TTC39B: variants seen among roughly 807,000 people sequenced by gnomAD.
TTC39B encodes the protein tetratricopeptide repeat domain 39B.
In TTC39B, 92 loss-of-function variants were observed where a neutral mutation model predicts 96.6. The observed-to-expected ratio is 0.95, with a 90% CI of 0.80 to 1.13. TTC39B has a LOEUF of 1.13. Among genes scored for constraint, TTC39B ranks in the 50% most tolerant of loss-of-function variants. TTC39B has a pLI of 0.00. For synonymous variants in TTC39B, 367 were observed against 299.4 expected (o/e 1.23, Z -2.33); for missense variants, 955 against 809.3 (o/e 1.18, Z -2.18).
rs1326049040 is a variant in TTC39B, at chr9:15,181,920, A to G, written c.1723+387T>C. Among the ~76,000 whole-genome samples, 5 of 152,284 alleles carry G rather than the reference A, an allele frequency of 3.3e-5. No homozygotes were observed. In the South Asian group the frequency reaches 6.2e-4, roughly 19 times the overall value. On this transcript the variant is annotated intron_variant, in intron 17 of 19. Coordinates refer to ENST00000512701, the Ensembl canonical transcript of TTC39B. ...AGTTGTACAGCCATCACCACAGTCA[A>G]CTGTAGAACACTGTCATCACCTCCC...
chr9:15,220,736 T>A (rs547801837), intron 3 of TTC39B, among the ~76,000 whole-genome samples: 1 of 152,142 alleles, frequency 6.6e-6, no homozygotes, highest in Non-Finnish European at 1.5e-5. Context: ...AGAGTTTGTA[T>A]AACCAGTTCC....
chr9:15,296,613 G>C (rs1315957543), intron 1 of TTC39B, among the ~76,000 whole-genome samples: 1 of 152,112 alleles, frequency 6.6e-6, no homozygotes, highest in Non-Finnish European at 1.5e-5. Context: ...TCCTGCCTCA[G>C]CCTCCCGAGT....
At chr9:15,253,406 G>C (rs530582407) in intron 2 of TTC39B, among the ~76,000 whole-genome samples, 13 of 152,332 alleles carry the variant, frequency 8.5e-5, no homozygotes, top group African/African-American at 3.1e-4. Context: ...AAGGAATGTA[G>C]CTCTAGATAC....
intron 15 of TTC39B, 182 bp from the exon 16 acceptor site, chr9:15,185,588 G>C: frequency 1.2e-6 from 1 of 828,792 alleles, no homozygotes; most frequent in South Asian, 2.0e-5. Context: ...CAACTCCAGG[G>C]CCGGGGCCGA....
intron 2 of TTC39B, among the ~76,000 whole-genome samples, chr9:15,261,910 C>T (rs1241217700): frequency 6.6e-6 from 1 of 152,132 alleles, no homozygotes; most frequent in African/African-American, 2.4e-5. Context: ...CATCAGAGCA[C>T]TAGAAGTGCA....
At chr9:15,282,758 G>T (rs568882033) in intron 1 of TTC39B, among the ~76,000 whole-genome samples, 1 of 152,236 alleles carries the variant, frequency 6.6e-6, no homozygotes, top group East Asian at 1.9e-4. Context: ...CTGGAGCACA[G>T]AGAGGTTAAG....
At chr9:15,211,237 C>A (rs1168013938) in intron 5 of TTC39B, 29 bp downstream of exon 5, 2 of 1,460,486 alleles carry the variant, frequency 1.4e-6, no homozygotes, top group East Asian at 2.6e-5. Context: ...TTTGCAGTCA[C>A]ATCTTAAGTA....
chr9:15,184,026 A>C (rs1014378991), intron 16 of TTC39B, among the ~76,000 whole-genome samples: 3 of 152,194 alleles, frequency 2.0e-5, no homozygotes, highest in Non-Finnish European at 4.4e-5. Context: ...TAGAATGTAT[A>C]AAAGGCTCCC....
intron 10 of TTC39B, 28 bp downstream of exon 10, chr9:15,191,162 C>CA: frequency 6.6e-7 from 1 of 1,511,114 alleles, no homozygotes; most frequent in Non-Finnish European, 9.2e-7. Flanking sequence ...TCTTCCCTGT[C>CA]AAAATTAACA....
intron 16 of TTC39B, chr9:15,183,401 G>T (rs1818347484): frequency 2.5e-6 from 1 of 405,064 alleles, no homozygotes; most frequent in South Asian, 1.8e-5. Context: ...CTTTTTATCA[G>T]AAGAGGGCAA....
At chr9:15,286,419 G>C (rs570493872) in intron 1 of TTC39B, among the ~76,000 whole-genome samples, 29 of 152,298 alleles carry the variant, frequency 1.9e-4, no homozygotes, top group African/African-American at 7.0e-4. Context: ...ATTCGAGTCA[G>C]GTTAGACGAC....
chr9:15,190,493 AAC>A, intron 11 of TTC39B, 59 bp downstream of exon 11: 1 of 1,482,784 alleles, frequency 6.7e-7, no homozygotes, highest in Non-Finnish European at 9.4e-7. Context: ...TTACAGGTGT[AAC>A]ACACCATGTC....
chr9:15,209,416 T>C (rs960425666), intron 6 of TTC39B, among the ~76,000 whole-genome samples: 17 of 152,192 alleles, frequency 1.1e-4, no homozygotes, highest in African/African-American at 4.1e-4. Flanking sequence ...TGTGAAACAT[T>C]ATCATTTTTA....
chr9:15,231,727 G>A (rs1324595976), intron 2 of TTC39B, among the ~76,000 whole-genome samples: 3 of 152,090 alleles, frequency 2.0e-5, no homozygotes, highest in Non-Finnish European at 4.4e-5. Context: ...TTATGTTCCT[G>A]CGCAATGAGA....
intron 8 of TTC39B, among the ~76,000 whole-genome samples, chr9:15,197,413 G>C (rs926147992): frequency 1.3e-5 from 2 of 152,150 alleles, no homozygotes; most frequent in Non-Finnish European, 2.9e-5. Flanking sequence ...ATGAAACACA[G>C]TTTTGTGAAA....
chr9:15,203,504 G>A (rs1475148607), intron 7 of TTC39B, among the ~76,000 whole-genome samples: 5 of 150,402 alleles, frequency 3.3e-5, no homozygotes, highest in African/African-American at 7.3e-5. Flanking sequence ...CAGGTGATCC[G>A]CCCACCTCAG....
exon 20 of TTC39B, chr9:15,169,917 T>C (rs1564301600): frequency 6.6e-6 from 1 of 152,156 alleles, no homozygotes; most frequent in Non-Finnish European, 1.5e-5. Context: ...CAGCACTGAC[T>C]TGCAGCTTCT....
At chr9:15,247,471 C>T (rs1412384030) in intron 2 of TTC39B, among the ~76,000 whole-genome samples, 2 of 152,158 alleles carry the variant, frequency 1.3e-5, no homozygotes, top group Admixed American at 1.3e-4. Flanking sequence ...CAACTCATTA[C>T]AGGAGACAAG....
chr9:15,171,979 C>T lies in TTC39B; in HGVS notation c.*40G>A, dbSNP rs764919705. On this transcript the variant is annotated 3_prime_UTR_variant, in exon 20 of 20. Transcript: ENST00000512701. ...ATAAGGTTGAATCTATAGCAGATGC[C>T]GATGCTAATTGAGGAAAAATTCCAT... 16 of 1,459,120 alleles carry T rather than the reference C, an allele frequency of 1.1e-5. No homozygotes were observed. The African/African-American group carries it at 1.8e-4, about 17-fold the overall frequency. 90.4% of individuals were successfully genotyped at this position (1,459,120 alleles called of 1,614,324 possible). A position where few individuals can be genotyped will look rare whatever the true frequency, so the allele number is the denominator to read the frequency against.
Sources: allele counts gnomAD v4.1 joint callset (sites outside exome capture counted in the v4.1 genomes callset), GRCh38; gene constraint gnomAD v4.1.1; transcripts MANE v1.5; gene names NCBI Gene and HGNC (gene_info 2026-07-23, HGNC 2026-07-21).